DLGAP2: variants seen among roughly 807,000 people sequenced by gnomAD.
The protein encoded by DLGAP2 is disks large-associated protein 2.
A neutral mutation model predicts 100.3 loss-of-function variants in DLGAP2; 26 were observed. That is an observed-to-expected ratio of 0.26 (90% CI 0.19 to 0.36). DLGAP2 has a LOEUF of 0.36. Among genes scored for constraint, DLGAP2 ranks in the 10% least tolerant of loss-of-function variants. DLGAP2 has a pLI of 1.00. For missense variants in DLGAP2, 1,858 were observed against 1,453.2 expected, an observed-to-expected ratio of 1.28 and a Z score of -4.53; for synonymous variants, 886 against 630.1, an observed-to-expected ratio of 1.41 and a Z score of -6.08.
chr8:1,196,783 G>A (rs1797761399), intron 2 of DLGAP2, among the ~76,000 whole-genome samples: 1 of 152,172 alleles, frequency 6.6e-6, no homozygotes, highest in Non-Finnish European at 1.5e-5. Context: ...CTGCATGTCA[G>A]CTGCAGCAGT....
At chr8:1,138,785 C>G (rs1237125335) in intron 2 of DLGAP2, among the ~76,000 whole-genome samples, 3 of 151,766 alleles carry the variant, frequency 2.0e-5, no homozygotes, top group African/African-American at 4.8e-5. Context: ...TTTACTTGTC[C>G]TGACCTGTGC....
chr8:1,614,246 A>T (rs927234828), intron 6 of DLGAP2, among the ~76,000 whole-genome samples: 6 of 152,252 alleles, frequency 3.9e-5, no homozygotes, highest in African/African-American at 1.4e-4. Flanking sequence ...CGGATGGCAC[A>T]GACCTGGGGT....
chr8:1,060,587 C>G (rs536064606), intron 2 of DLGAP2, among the ~76,000 whole-genome samples: 4 of 152,174 alleles, frequency 2.6e-5, no homozygotes, highest in Non-Finnish European at 5.9e-5. Context: ...ATGACCTCAC[C>G]TCAAGGTCCT....
chr8:884,383 G>C (rs915510347), intron 1 of DLGAP2, among the ~76,000 whole-genome samples: 5 of 152,110 alleles, frequency 3.3e-5, no homozygotes, highest in African/African-American at 1.2e-4. Context: ...GCATTTCTGT[G>C]ATGATCAGTG....
intron 3 of DLGAP2, among the ~76,000 whole-genome samples, chr8:1,436,570 C>T (rs996222660): frequency 6.6e-6 from 1 of 152,208 alleles, no homozygotes; most frequent in Non-Finnish European, 1.5e-5. Flanking sequence ...CAGGTTGACA[C>T]TCCATATTAA....
chr8:1,069,808 G>A (rs186990798), intron 2 of DLGAP2, among the ~76,000 whole-genome samples: 2 of 152,264 alleles, frequency 1.3e-5, no homozygotes, highest in East Asian at 1.9e-4. Context: ...GCCACAATGC[G>A]TGTCTTGTGG....
chr8:1,434,629 A>G (rs187217482), intron 3 of DLGAP2, among the ~76,000 whole-genome samples: 131 of 152,166 alleles, frequency 8.6e-4, no homozygotes, highest in African/African-American at 2.9e-3. Flanking sequence ...GGCGTGCGCC[A>G]CCACACCAGG....
chr8:1,687,050 A>G (rs1402106523), intron 12 of DLGAP2, among the ~76,000 whole-genome samples: 1 of 152,186 alleles, frequency 6.6e-6, no homozygotes, highest in Non-Finnish European at 1.5e-5. Flanking sequence ...CATGAAAATC[A>G]TGAGGCTCGA....
At chr8:1,537,061 C>CTGGTATG (rs67410338) in intron 4 of DLGAP2, among the ~76,000 whole-genome samples, 80 of 150,658 alleles carry the variant, frequency 5.3e-4, no homozygotes, top group African/African-American at 5.6e-4. Context: ...GGCAGCACCA[C>CTGGTATG]TGGTATGTGG....
At chr8:1,225,951 C>G (rs910242742) in intron 2 of DLGAP2, among the ~76,000 whole-genome samples, 5 of 151,848 alleles carry the variant, frequency 3.3e-5, no homozygotes, top group Non-Finnish European at 5.9e-5. Flanking sequence ...ATAATTTTTC[C>G]TTTTCATTTT....
intron 1 of DLGAP2, among the ~76,000 whole-genome samples, chr8:862,653 C>T (rs1016507445): frequency 6.6e-6 from 1 of 152,116 alleles, no homozygotes; most frequent in Non-Finnish European, 1.5e-5. Flanking sequence ...TTGACTCCAC[C>T]ATAGCCTCAG....
At chr8:1,456,720 G>A (rs976129760) in intron 3 of DLGAP2, among the ~76,000 whole-genome samples, 5 of 41,196 alleles carry the variant, frequency 1.2e-4, no homozygotes, top group African/African-American at 4.3e-4. Flanking sequence ...ACCAGCAAAC[G>A]CTGAAGGCCC....
intron 3 of DLGAP2, among the ~76,000 whole-genome samples, chr8:1,269,659 C>A (rs1799539841): frequency 6.6e-6 from 1 of 152,114 alleles, no homozygotes. Flanking sequence ...TGTAAAATGA[C>A]CTTGGAAGGA....
At chr8:1,169,174 C>T (rs906052240) in intron 2 of DLGAP2, among the ~76,000 whole-genome samples, 1 of 151,812 alleles carries the variant, frequency 6.6e-6, no homozygotes, top group Non-Finnish European at 1.5e-5. Context: ...TAAGGTTTGT[C>T]AAAGATCAGA....
intron 2 of DLGAP2, among the ~76,000 whole-genome samples, chr8:1,115,734 G>C (rs1317510102): frequency 6.6e-6 from 1 of 152,154 alleles, no homozygotes; most frequent in Non-Finnish European, 1.5e-5. Flanking sequence ...AGTTACAGCT[G>C]GTGCTTTGGC....
rs535961595 is a variant in DLGAP2, at chr8:947,024, C to G, written c.73+39058C>G. Among the ~76,000 whole-genome samples, 260 of 152,292 alleles carry G rather than the reference C, an allele frequency of 1.7e-3. 3 individuals carry two copies. Among genetic ancestry groups the G allele is most frequent in the African/African-American group, 6.2e-3 (256 of 41,560 alleles). The stretch of plus-strand genomic sequence containing the variant: ...CGGTGGCTGCACTCGGCTGCACCTG[C>G]GGCTGGAACGGCTTCAGGCTCCCAG... On this transcript the variant is annotated intron_variant, in intron 2 of 14. Coordinates refer to ENST00000637795, the MANE Select transcript of DLGAP2 (RefSeq NM_001346810.2).
chr8:1,615,178 T>C (rs1797110418), intron 6 of DLGAP2, among the ~76,000 whole-genome samples: 1 of 152,062 alleles, frequency 6.6e-6, no homozygotes, highest in Non-Finnish European at 1.5e-5. Flanking sequence ...AAAGTTTAGT[T>C]TCCAGCTGCT....
At chr8:866,750 A>C (rs1797505818) in intron 1 of DLGAP2, among the ~76,000 whole-genome samples, 2 of 152,124 alleles carry the variant, frequency 1.3e-5, no homozygotes, top group South Asian at 4.1e-4. Flanking sequence ...AAAATAATAA[A>C]TATTCCTTTC....
chr8:1,599,198 G>C (rs923767039), intron 6 of DLGAP2, among the ~76,000 whole-genome samples: 2 of 152,280 alleles, frequency 1.3e-5, no homozygotes, highest in South Asian at 4.1e-4. Context: ...TCTTAATCCT[G>C]AGTTCTAATT....
Sources: allele counts gnomAD v4.1 joint callset (sites outside exome capture counted in the v4.1 genomes callset), GRCh38; gene constraint gnomAD v4.1.1; transcripts MANE v1.5; gene names NCBI Gene and HGNC (gene_info 2026-07-23, HGNC 2026-07-21).